Variants in PRRC1 observed in about 807,000 individuals in gnomAD.
PRRC1 encodes proline rich coiled-coil 1.
In PRRC1, 39 loss-of-function variants were observed where a neutral mutation model predicts 40.7. The observed-to-expected ratio is 0.96, with a 90% CI of 0.74 to 1.25. The LOEUF is 1.25. Ranked by LOEUF, PRRC1 falls within the 50% of genes most tolerant of loss-of-function variation. The probability of loss-of-function intolerance (pLI) is 0.00; values close to 1 mark genes in which losing one functional copy is unlikely to be tolerated. For synonymous variants in PRRC1, 175 were observed against 193.3 expected (o/e 0.91, Z 0.79); for missense variants, 573 against 548.3 (o/e 1.05, Z -0.45).
Position 127,553,713 on chromosome 5 carries a change from A to T in PRRC1, c.*1797A>T, listed in dbSNP as rs1463594002. 1 of 1,499,478 alleles carries T rather than the reference A, an allele frequency of 6.7e-7. No individual in the cohort carries two copies. Among genetic ancestry groups the T allele is most frequent in the Non-Finnish European group, 8.8e-7 (1 of 1,133,222 alleles). 92.9% of individuals were successfully genotyped at this position (1,499,478 alleles called of 1,614,324 possible). On this transcript the variant is annotated 3_prime_UTR_variant, in exon 9 of 9. Transcript: ENST00000296666. ...CTAAAAATACCTTAATTTTTCTTTG[A>T]TTTTTATTTTACCAAGTCACAAATG...
intron 7 of PRRC1, among the ~76,000 whole-genome samples, chr5:127,540,061 T>C (rs1009035978): frequency 6.6e-6 from 1 of 152,048 alleles, no homozygotes; most frequent in Non-Finnish European, 1.5e-5. Context: ...AGTTTGAAGG[T>C]AATTGAAATG....
intron 6 of PRRC1, among the ~76,000 whole-genome samples, chr5:127,534,837 A>T (rs1767855491): frequency 6.6e-6 from 1 of 152,224 alleles, no homozygotes. Context: ...ATATGTCTAG[A>T]ACTAAACTTC....
chr5:127,531,617 C>CTTTTTTTTTTTTTTTTTTTTTT (rs60179366), intron 5 of PRRC1, among the ~76,000 whole-genome samples: 9 of 99,680 alleles, frequency 9.0e-5, no homozygotes, highest in African/African-American at 4.2e-4. Flanking sequence ...TCTTCTTCTT[C>CTTTTTTTTTTTTTTTTTTTTTT]TTTTTTTTTT....
intron 1 of PRRC1, among the ~76,000 whole-genome samples, chr5:127,519,219 T>G (rs181710218): frequency 1.1e-4 from 16 of 152,292 alleles, no homozygotes; most frequent in African/African-American, 3.8e-4. Flanking sequence ...GAGCTTTGGT[T>G]GAGGAGTGGT....
intron 7 of PRRC1, among the ~76,000 whole-genome samples, chr5:127,542,320 T>C (rs1460345443): frequency 6.6e-6 from 1 of 151,962 alleles, no homozygotes; most frequent in African/African-American, 2.4e-5. Context: ...GGAATAGGTG[T>C]GGTGTGGTGC....
intron 8 of PRRC1, 189 bp from the exon 9 acceptor site, chr5:127,551,518 G>A (rs1185016555): frequency 5.0e-6 from 3 of 596,948 alleles, no homozygotes; most frequent in Non-Finnish European, 8.7e-6. Context: ...AAAAATAGAT[G>A]TGTGTAATGT....
intron 4 of PRRC1, among the ~76,000 whole-genome samples, chr5:127,529,478 G>T (rs1767708347): frequency 6.6e-6 from 1 of 152,082 alleles, no homozygotes; most frequent in African/African-American, 2.4e-5. Flanking sequence ...AGTAAGTCAT[G>T]ATGTTTCAGC....
Position 127,552,562 on chromosome 5 carries a change from T to A in PRRC1, c.*646T>A, listed in dbSNP as rs1768421743. On this transcript the variant is annotated 3_prime_UTR_variant, in exon 9 of 9. Coordinates refer to ENST00000296666, the MANE Select transcript of PRRC1 (RefSeq NM_130809.5). Reference sequence around the variant, plus strand: ...CTTTGTCAATTTTAAACATAACTTTTGGCATTTCCCAGATTTATACTATGA... The same window carrying A: ...CTTTGTCAATTTTAAACATAACTTTAGGCATTTCCCAGATTTATACTATGA... The A allele has an allele frequency of 1.0e-6, 1 of 985,784 alleles. No individual in the cohort carries two copies. Among genetic ancestry groups the A allele is most frequent in the Non-Finnish European group, 1.2e-6 (1 of 829,880 alleles). 61.1% of individuals were successfully genotyped at this position (985,784 alleles called of 1,614,324 possible).
intron 4 of PRRC1, among the ~76,000 whole-genome samples, chr5:127,527,420 AAG>A (rs1767646698): frequency 6.6e-6 from 1 of 152,142 alleles, no homozygotes; most frequent in South Asian, 2.1e-4. Flanking sequence ...CCTGTTGTAC[AAG>A]AGATCTCTTC....
At chr5:127,523,357 A>G (rs958719468) in intron 1 of PRRC1, 103 bp from the exon 2 acceptor site, 1 of 539,318 alleles carries the variant, frequency 1.9e-6, no homozygotes, top group South Asian at 3.3e-5. Flanking sequence ...AAAGGTGGAC[A>G]TCTATCTCTT....
intron 1 of PRRC1, among the ~76,000 whole-genome samples, chr5:127,520,543 G>GA (rs1462940865): frequency 6.6e-6 from 1 of 152,100 alleles, no homozygotes; most frequent in Non-Finnish European, 1.5e-5. Context: ...TATGTTGAAT[G>GA]AAAAAAAGCC....
chr5:127,545,924 C>T (rs1014326037), intron 7 of PRRC1, among the ~76,000 whole-genome samples: 1 of 151,954 alleles, frequency 6.6e-6, no homozygotes, highest in Non-Finnish European at 1.5e-5. Context: ...TATTTGCTTG[C>T]TTGCTTGCTC....
At chr5:127,527,109 A>AT (rs1232353341) in intron 4 of PRRC1, among the ~76,000 whole-genome samples, 1 of 152,132 alleles carries the variant, frequency 6.6e-6, no homozygotes, top group Non-Finnish European at 1.5e-5. Flanking sequence ...TTCACCATAC[A>AT]TGCTGTTGCA....
chr5:127,525,630 G>T (rs1315375608), intron 3 of PRRC1, among the ~76,000 whole-genome samples: 1 of 152,100 alleles, frequency 6.6e-6, no homozygotes, highest in African/African-American at 2.4e-5. Context: ...AGTGGGCGGG[G>T]TCCCACTTTC....
intron 7 of PRRC1, among the ~76,000 whole-genome samples, chr5:127,540,843 G>T (rs1479614155): frequency 6.6e-6 from 1 of 151,856 alleles, no homozygotes; most frequent in Non-Finnish European, 1.5e-5. Flanking sequence ...CTGGATATTA[G>T]CCCTTTGTTA....
chr5:127,524,925 T>A lies in PRRC1; in HGVS notation c.493+5T>A. On this transcript the variant is annotated splice_donor_5th_base_variant and intron_variant, in intron 3 of 8. Transcript: ENST00000296666. ...TTTCTGCACCTTCAGGAACAGGTAATTCTTTCTGATACTTTGAAATACATG... is the reference window on the plus strand; with the variant it reads ...TTTCTGCACCTTCAGGAACAGGTAAATCTTTCTGATACTTTGAAATACATG... 6.3e-7 allele frequency: 1 copy of A among 1,575,184 alleles called. No homozygotes were observed.
chr5:127,552,622 A>G lies in PRRC1; in HGVS notation c.*706A>G, dbSNP rs536386226. On this transcript the variant is annotated 3_prime_UTR_variant, in exon 9 of 9. Coordinates refer to ENST00000296666, the MANE Select transcript of PRRC1 (RefSeq NM_130809.5). ...TAATACATTTTATTTTTTCATTGCT[A>G]TATGACAGCTAAGGGGCAAATGATT... 579 of 978,708 alleles carry G rather than the reference A, an allele frequency of 5.9e-4. 1 individual carries two copies. In the South Asian group the frequency reaches 9.6e-3, roughly 16 times the overall value. 60.6% of individuals were successfully genotyped at this position (978,708 alleles called of 1,614,324 possible). A position where few individuals can be genotyped will look rare whatever the true frequency, so the allele number is the denominator to read the frequency against.
At chr5:127,549,166 A>C (rs1044367335) in intron 8 of PRRC1, 2 of 152,142 alleles carry the variant, frequency 1.3e-5, no homozygotes, top group Admixed American at 1.3e-4. Context: ...TAAAAAAAAA[A>C]AAATCACTGA....
At chr5:127,542,135 A>C (rs1768066276) in intron 7 of PRRC1, among the ~76,000 whole-genome samples, 1 of 152,128 alleles carries the variant, frequency 6.6e-6, no homozygotes, top group African/African-American at 2.4e-5. Flanking sequence ...TTATGTACCC[A>C]GTAGTCATTC....
Sources: allele counts gnomAD v4.1 joint callset (sites outside exome capture counted in the v4.1 genomes callset), GRCh38; gene constraint gnomAD v4.1.1; transcripts MANE v1.5; gene names NCBI Gene and HGNC (gene_info 2026-07-23, HGNC 2026-07-21).